The following ABI3BP variants were observed in gnomAD, a reference collection of about 807,000 sequenced individuals.
ABI3BP encodes the protein ABI family member 3 binding protein.
ABI3BP carries 216 observed loss-of-function variants against 268.6 expected under a neutral mutation model. That is an observed-to-expected ratio of 0.80 (90% confidence interval 0.72 to 0.90). The LOEUF is 0.90. Ranked by LOEUF, ABI3BP falls within the 40% of genes least tolerant of loss-of-function variation. The pLI is 0.00. For missense variants in ABI3BP, 2,090 were observed against 2,182.4 expected (o/e 0.96, Z 0.84); for synonymous variants, 730 against 730.0 (o/e 1.00, Z 0.00).
chr3:100,803,021 A>G lies in ABI3BP; in HGVS notation c.3757+1771T>C, dbSNP rs1463448030. 2.7e-5 allele frequency among the ~76,000 whole-genome samples: 4 copies of G among 146,110 alleles called. 1 individual carries two copies. Among genetic ancestry groups the G allele is most frequent in the Non-Finnish European group, 6.2e-5 (4 of 64,400 alleles). ...ACTGAAATGTGGTAAGAGTTGCCTT[A>G]TGATTATTCCTGGGGGTGCCACACC... On this transcript the variant is annotated intron_variant, in intron 51 of 67. Coordinates refer to ENST00000471714, the MANE Select transcript of ABI3BP (RefSeq NM_001375547.2).
intron 1 of ABI3BP, among the ~76,000 whole-genome samples, chr3:100,962,945 T>C (rs1187568727): frequency 6.6e-6 from 1 of 152,084 alleles, no homozygotes; most frequent in Non-Finnish European, 1.5e-5. Context: ...CACTAAGAAG[T>C]CTCAAAGGCA....
intron 1 of ABI3BP, among the ~76,000 whole-genome samples, chr3:100,951,388 A>C (rs1014575428): frequency 6.6e-6 from 1 of 151,930 alleles, no homozygotes; most frequent in Non-Finnish European, 1.5e-5. Flanking sequence ...ATGGCAATTC[A>C]CAAAGTTTCT....
At chr3:100,798,600 T>G (rs1007234285) in intron 51 of ABI3BP, among the ~76,000 whole-genome samples, 1 of 152,024 alleles carries the variant, frequency 6.6e-6, no homozygotes, top group Non-Finnish European at 1.5e-5. Context: ...AACCAACTTA[T>G]ACCATTTATA....
intron 20 of ABI3BP, among the ~76,000 whole-genome samples, chr3:100,845,165 A>G (rs373317601): frequency 1.1e-4 from 16 of 152,328 alleles, no homozygotes; most frequent in African/African-American, 3.1e-4. Context: ...TTACTACTCT[A>G]TCCCAAAGCT....
chr3:100,931,440 T>C (rs2063592212), intron 1 of ABI3BP, among the ~76,000 whole-genome samples: 1 of 152,138 alleles, frequency 6.6e-6, no homozygotes, highest in Non-Finnish European at 1.5e-5. Flanking sequence ...AATATAATTC[T>C]GTACCTAGAA....
intron 2 of ABI3BP, among the ~76,000 whole-genome samples, chr3:100,919,421 A>G (rs2059606972): frequency 1.3e-5 from 2 of 152,132 alleles, no homozygotes; most frequent in Non-Finnish European, 2.9e-5. Flanking sequence ...TAAAATAGGA[A>G]AAATTGTGCA....
At chr3:100,992,267 C>A (rs533269899) in intron 1 of ABI3BP, among the ~76,000 whole-genome samples, 1 of 152,320 alleles carries the variant, frequency 6.6e-6, no homozygotes, top group African/African-American at 2.4e-5. Flanking sequence ...ACTTTACCCA[C>A]CGAGGAAAGA....
At chr3:100,850,440 A>G (rs989347333) in intron 16 of ABI3BP, among the ~76,000 whole-genome samples, 5 of 152,212 alleles carry the variant, frequency 3.3e-5, no homozygotes, top group African/African-American at 1.2e-4. Context: ...CTAAAAGGAT[A>G]GGGAAAATAT....
At position 100,817,440 on chromosome 3, in the gene ABI3BP, CGTT is replaced by C. The variant is rs1466213556; in HGVS notation, c.3141_3143del (p.Thr1048del). ...AGGAACACAGAATATCATTACCTAA[CGTT>C]GTTTCTGGAAACTTGGTTCTAAAAG... On this transcript the variant is annotated inframe_deletion, in exon 42 of 68. Coordinates refer to ENST00000471714, the MANE Select transcript of ABI3BP (RefSeq NM_001375547.2). 8 of 1,509,280 alleles carry C rather than the reference CGTT, an allele frequency of 5.3e-6. No homozygotes were observed. The highest frequency in any genetic ancestry group is 2.0e-5 in the Admixed American group (1 of 49,940). 93.5% of individuals were successfully genotyped at this position (1,509,280 alleles called of 1,614,324 possible).
chr3:100,951,390 A>C (rs1483114854), intron 1 of ABI3BP, among the ~76,000 whole-genome samples: 2 of 151,958 alleles, frequency 1.3e-5, no homozygotes, highest in Non-Finnish European at 2.9e-5. Flanking sequence ...GGCAATTCAC[A>C]AAGTTTCTGT....
At chr3:100,816,309 T>C (rs2098041414) in intron 43 of ABI3BP, 2 of 447,838 alleles carry the variant, frequency 4.5e-6, no homozygotes, top group African/African-American at 4.0e-5. Context: ...TATATGAAAG[T>C]AACTTGTTGC....
In ABI3BP at chr3:100,864,863, T is replaced by C. The variant is rs370148403; in HGVS notation, c.1033A>G (p.Ser345Gly). The C allele has an allele frequency of 1.4e-5, 22 of 1,608,388 alleles. No homozygotes were observed. The highest frequency in any genetic ancestry group is 1.6e-5 in the Non-Finnish European group (19 of 1,178,256). The change falls in exon 11 of 68, where the codon AGT (serine) becomes GGT (glycine). Residue 345 changes from serine (S) to glycine (G), a missense_variant. Physicochemically the swap from Ser to Gly is moderately conservative, Grantham distance 56. Transcript: ENST00000471714. ...GTTGTTTCTGAAACATCTAATGCAC[T>C]AGACGTAGTGGGTTTAGTGCTTCTT... is the stretch of plus-strand genomic sequence containing the variant. ...VPRSTKPTTS[S>G]ALDVSETTLV...
intron 14 of ABI3BP, among the ~76,000 whole-genome samples, chr3:100,858,007 C>T (rs1455432222): frequency 6.6e-6 from 1 of 152,248 alleles, no homozygotes; most frequent in African/African-American, 2.4e-5. Context: ...TCCTTAACAA[C>T]ACTGAGATTA....
chr3:100,952,030 T>C (rs2075267163), intron 1 of ABI3BP, among the ~76,000 whole-genome samples: 1 of 152,184 alleles, frequency 6.6e-6, no homozygotes, highest in Admixed American at 6.5e-5. Flanking sequence ...TTATTAACTC[T>C]AGTTCACCCC....
At chr3:100,751,956 A>T (rs1475592061) in intron 66 of ABI3BP, among the ~76,000 whole-genome samples, 1 of 152,178 alleles carries the variant, frequency 6.6e-6, no homozygotes, top group African/African-American at 2.4e-5. Flanking sequence ...CCTGATTTCA[A>T]ACTCCACATG....
chr3:100,954,593 A>T (rs541424769), intron 1 of ABI3BP, among the ~76,000 whole-genome samples: 1 of 152,340 alleles, frequency 6.6e-6, no homozygotes, highest in South Asian at 2.1e-4. Flanking sequence ...GTTAAGAATG[A>T]CAGGTACTTT....
At chr3:100,775,819 T>C (rs2150113330) in intron 59 of ABI3BP, among the ~76,000 whole-genome samples, 1 of 152,174 alleles carries the variant, frequency 6.6e-6, no homozygotes, top group South Asian at 2.1e-4. Flanking sequence ...GGGCAGATCA[T>C]GAAAGAAGTT....
At chr3:100,932,225 T>C (rs1290652618) in intron 1 of ABI3BP, among the ~76,000 whole-genome samples, 1 of 151,882 alleles carries the variant, frequency 6.6e-6, no homozygotes, top group Non-Finnish European at 1.5e-5. Context: ...TAAAGACAAA[T>C]GTAAAACCTA....
chr3:100,805,623 G>T (rs1207769149), intron 50 of ABI3BP, among the ~76,000 whole-genome samples: 1 of 151,942 alleles, frequency 6.6e-6, no homozygotes, highest in Non-Finnish European at 1.5e-5. Flanking sequence ...CAGAGATTCG[G>T]GTGTGTGACA....
Sources: gnomAD v4.1 joint callset for allele counts (sites outside exome capture counted in the v4.1 genomes callset) on GRCh38, gnomAD v4.1.1 for gene constraint, MANE v1.5 for transcripts, NCBI Gene and HGNC (gene_info 2026-07-23, HGNC 2026-07-21) for gene names.